DNAH9: variants seen among roughly 807,000 people sequenced by gnomAD.
DNAH9 encodes the protein DNAH9 variant protein.
A neutral mutation model predicts 471.6 loss-of-function variants in DNAH9; 345 were observed. That is an observed-to-expected ratio of 0.73 (90% CI 0.67 to 0.80). The LOEUF (loss-of-function observed/expected upper bound fraction) is 0.80. Among genes scored for constraint, DNAH9 ranks in the 30% least tolerant of loss-of-function variants. The pLI is 0.00. For missense variants in DNAH9, 5,407 were observed against 5,609.2 expected (o/e 0.96, Z 1.15); for synonymous variants, 2,093 against 2,123.6 (o/e 0.99, Z 0.40).
rs61067153 is a variant in DNAH9, at chr17:11,843,863, G to GTATATA, written c.9507+8988_9507+8993dup. 6.0e-4 allele frequency among the ~76,000 whole-genome samples: 28 copies of GTATATA among 46,468 alleles called. 2 individuals carry two copies. Among genetic ancestry groups the GTATATA allele is most frequent in the African/African-American group, 1.7e-3 (21 of 12,376 alleles). 30.5% of individuals were successfully genotyped at this position (46,468 alleles called of 152,430 possible). The stretch of plus-strand genomic sequence containing the variant: ...TGTTTGTGTGTGTGTGTGTGTGTGT[G>GTATATA]TATATATATATATATATATATATAT... On this transcript the variant is annotated intron_variant, in intron 49 of 68. Coordinates refer to ENST00000262442, the MANE Select transcript of DNAH9 (RefSeq NM_001372.4).
At position 11,704,607 on chromosome 17, in the gene DNAH9, G is replaced by A. The variant is rs886938950; in HGVS notation, c.5391+165G>A. ...CTTTTTTTTTTTTTTTTTTGAGATT[G>A]AGTTTCGCTCTTATTGCCCAGGCTG... On this transcript the variant is annotated intron_variant, in intron 25 of 68. Transcript: ENST00000262442. 2.2e-5 allele frequency among the ~76,000 whole-genome samples: 3 copies of A among 137,222 alleles called. 1 individual carries two copies. The highest frequency in any genetic ancestry group is 4.7e-5 in the Non-Finnish European group (3 of 64,216). 90.0% of individuals were successfully genotyped at this position (137,222 alleles called of 152,430 possible).
intron 48 of DNAH9, among the ~76,000 whole-genome samples, chr17:11,826,346 C>T (rs1597702309): frequency 8.2e-6 from 1 of 122,598 alleles, no homozygotes; most frequent in African/African-American, 2.7e-5. Flanking sequence ...TCCAATTCCC[C>T]AGGCCGGAAG....
chr17:11,598,935 C>A lies in DNAH9; in HGVS notation c.417+20C>A. On this transcript the variant is annotated intron_variant, in intron 1 of 68. Transcript: ENST00000262442. ...TCGGAGGTGAGGGTGGGTTAGTGTC[C>A]CCGCGCGGCTAAAGCTGGGTGGGGG... The A allele has an allele frequency of 6.8e-7, 1 of 1,465,798 alleles. No individual in the cohort carries two copies. The highest frequency in any genetic ancestry group is 2.4e-5 in the Admixed American group (1 of 41,376). 90.8% of individuals were successfully genotyped at this position (1,465,798 alleles called of 1,614,324 possible).
intron 3 of DNAH9, 117 bp downstream of exon 3, chr17:11,610,671 A>T: frequency 2.2e-6 from 2 of 926,054 alleles, no homozygotes; most frequent in Non-Finnish European, 3.2e-6. Flanking sequence ...GGTATTTCAC[A>T]TCATCAGTGG....
At chr17:11,733,860 CA>C (rs57515310) in intron 28 of DNAH9, among the ~76,000 whole-genome samples, 6 of 113,150 alleles carry the variant, frequency 5.3e-5, no homozygotes, top group African/African-American at 1.8e-4. Context: ...GACTCCATCT[CA>C]AAAAAAAAAA....
chr17:11,762,773 T>TTTG (rs1967751187), intron 35 of DNAH9, among the ~76,000 whole-genome samples: 1 of 109,226 alleles, frequency 9.2e-6, no homozygotes, highest in African/African-American at 4.2e-5. Context: ...TTTTTTTGTT[T>TTTG]TTTTTTTTTT....
intron 49 of DNAH9, among the ~76,000 whole-genome samples, chr17:11,852,814 G>GTATATATATA (rs58555259): frequency 1.2e-4 from 11 of 92,676 alleles, no homozygotes; most frequent in East Asian, 1.1e-3. Context: ...GTGTGTGTGT[G>GTATATATATA]TATATATATA....
At chr17:11,634,915 A>T (rs576123210) in intron 8 of DNAH9, among the ~76,000 whole-genome samples, 67 of 148,932 alleles carry the variant, frequency 4.5e-4, no homozygotes, top group African/African-American at 1.7e-3. Context: ...TTGGGATGCC[A>T]GTGAAGCAAA....
rs757293835 is a variant in DNAH9, at chr17:11,881,228, AAAG to A, written c.10624_10626del (p.Glu3542del). 3.7e-6 allele frequency: 6 copies of A among 1,614,102 alleles called. No individual in the cohort carries two copies. The African/African-American group carries it at 8.0e-5, about 22-fold the overall frequency. On this transcript the variant is annotated inframe_deletion, in exon 55 of 69. Coordinates refer to ENST00000262442, the MANE Select transcript of DNAH9 (RefSeq NM_001372.4). ...TTCCAGATTCATTAAAATTGGAGAC[AAAG>A]AATGTGAATACAATCCCAAGTTCCG...
At chr17:11,782,368 C>G (rs1968702422) in intron 39 of DNAH9, among the ~76,000 whole-genome samples, 1 of 152,176 alleles carries the variant, frequency 6.6e-6, no homozygotes, top group Admixed American at 6.5e-5. Context: ...TCTTCCCTCT[C>G]TTTGATCTTC....
At chr17:11,772,724 G>A (rs893774746) in intron 38 of DNAH9, among the ~76,000 whole-genome samples, 3 of 152,156 alleles carry the variant, frequency 2.0e-5, no homozygotes, top group Non-Finnish European at 2.9e-5. Context: ...TCTTGGTAAC[G>A]TTAGATCTTG....
chr17:11,811,713 A>G (rs924758670), intron 45 of DNAH9, among the ~76,000 whole-genome samples: 2 of 152,062 alleles, frequency 1.3e-5, no homozygotes, highest in Non-Finnish European at 2.9e-5. Flanking sequence ...GAAGTCTTTC[A>G]TATTTGGAGA....
At chr17:11,658,705 G>T (rs756610054) in intron 14 of DNAH9, among the ~76,000 whole-genome samples, 1 of 152,034 alleles carries the variant, frequency 6.6e-6, no homozygotes, top group South Asian at 2.1e-4. Context: ...GTTTCATCAT[G>T]ATTAAACATC....
intron 38 of DNAH9, among the ~76,000 whole-genome samples, chr17:11,774,582 T>G (rs531004044): frequency 2.0e-5 from 3 of 152,236 alleles, no homozygotes; most frequent in African/African-American, 7.2e-5. Flanking sequence ...TTCACTATCA[T>G]GAGACCAGCA....
intron 33 of DNAH9, among the ~76,000 whole-genome samples, chr17:11,755,236 A>G (rs945419863): frequency 6.6e-6 from 1 of 152,092 alleles, no homozygotes; most frequent in African/African-American, 2.4e-5. Flanking sequence ...CCTGCAGTAT[A>G]GTTTGAAGTC....
chr17:11,721,683 T>A (rs907759504), intron 27 of DNAH9, among the ~76,000 whole-genome samples: 16 of 151,602 alleles, frequency 1.1e-4, no homozygotes, highest in Admixed American at 1.1e-3. Flanking sequence ...AGATAAATGA[T>A]AGATGAATGA....
intron 61 of DNAH9, among the ~76,000 whole-genome samples, chr17:11,908,507 C>T (rs1973682391): frequency 6.6e-6 from 1 of 152,160 alleles, no homozygotes; most frequent in African/African-American, 2.4e-5. Context: ...AAGCCACAAG[C>T]TTTACGGAGG....
rs544004531 is a variant in DNAH9, at chr17:11,670,518, C to A, written c.3353+724C>A. Among the ~76,000 whole-genome samples, 8 of 152,280 alleles carry A rather than the reference C, an allele frequency of 5.3e-5. No homozygotes were observed. The East Asian group carries it at 1.4e-3, about 26-fold the overall frequency. ...CTGGATGAGACTGCAGGGAGGCCAACCTGACCCCCTCCTCAGTTTAGTGCT... is the reference window on the plus strand; with the variant it reads ...CTGGATGAGACTGCAGGGAGGCCAAACTGACCCCCTCCTCAGTTTAGTGCT... On this transcript the variant is annotated intron_variant, in intron 17 of 68. Transcript: ENST00000262442.
chr17:11,657,863 A>T (rs1000561045), intron 14 of DNAH9, among the ~76,000 whole-genome samples: 1 of 152,050 alleles, frequency 6.6e-6, no homozygotes, highest in African/African-American at 2.4e-5. Flanking sequence ...TAAAAAATAT[A>T]TATGGTGGAA....
Sources: allele counts gnomAD v4.1 joint callset (sites outside exome capture counted in the v4.1 genomes callset), GRCh38; gene constraint gnomAD v4.1.1; transcripts MANE v1.5; gene names NCBI Gene and HGNC (gene_info 2026-07-23, HGNC 2026-07-21).